PPRC1: variants seen among roughly 807,000 people sequenced by gnomAD.
The protein encoded by PPRC1 is PPARG related coactivator 1.
Under a neutral mutation model 132.5 loss-of-function variants are expected in PPRC1, and 23 were observed. The observed-to-expected ratio is 0.17, with a 90% CI of 0.12 to 0.25. The LOEUF (loss-of-function observed/expected upper bound fraction) is 0.25. PPRC1 is among the 10% of genes least tolerant of loss of function. The pLI is 1.00. For synonymous variants in PPRC1, 872 were observed against 833.5 expected (o/e 1.05, Z -0.80); for missense variants, 2,006 against 2,089.1 (o/e 0.96, Z 0.78).
intron 1 of PPRC1, 137 bp from the exon 2 acceptor site, chr10:102,137,713 C>A: frequency 1.3e-6 from 1 of 775,816 alleles, no homozygotes; most frequent in Non-Finnish European, 2.0e-6. Flanking sequence ...TCTCTCTGCT[C>A]TGCTAGCCCA....
chr10:102,122,753 A>C, the PPRC1 span, among the ~76,000 whole-genome samples: 11 of 152,084 alleles, frequency 7.2e-5, no homozygotes, highest in East Asian at 1.9e-3. Flanking sequence ...TGTGAATCTG[A>C]GATTTCCCTC....
At chr10:102,144,508 T>G (rs556186789) in intron 7 of PPRC1, 15 of 595,766 alleles carry the variant, frequency 2.5e-5, no homozygotes, top group South Asian at 1.6e-4. Context: ...GCATGTTCAC[T>G]GCCCTCCAGC....
Position 102,146,789 on chromosome 10 carries a change from A to G in PPRC1, c.3797A>G (p.Glu1266Gly). The stretch of plus-strand genomic sequence containing the variant: ...GCCCAGGAGGGAACCCTGAAGCCTG[A>G]AGGAGTTACGGAGGCCAAACATCCA... Reference protein sequence around the residue: ...STAQEGTLKPEGVTEAKHPAA... With the variant: ...STAQEGTLKPGGVTEAKHPAA... Residue 1266 changes from glutamate to glycine, a missense_variant, in exon 9 of 14, where the codon GAA becomes GGA. Glu to Gly is a moderately conservative substitution (Grantham distance 98). This residue lies in a region of PPRC1 where 1,914 missense variants were observed against 1,917.2 expected (regional missense o/e 1.00). Coordinates refer to ENST00000278070, the MANE Select transcript of PPRC1 (RefSeq NM_015062.5). 6.2e-7 allele frequency: 1 copy of G among 1,614,066 alleles called. No homozygotes were observed. Among genetic ancestry groups the G allele is most frequent in the Non-Finnish European group, 8.5e-7 (1 of 1,180,018 alleles).
In PPRC1 at chr10:102,140,386, G is replaced by A. The variant is rs111282144; in HGVS notation, c.1878G>A (p.Pro626=). ...GCTCAGAACTGGTTGAGCCTCTCCC[G>A]GCTGAGCCAGTGCTGATCAACCCAG... ...STSSELVEPL[P]AEPVLINPVL... The change falls in exon 5 of 14, where the codon CCG becomes CCA. Residue 626 remains proline, a synonymous_variant. Coordinates refer to ENST00000278070, the MANE Select transcript of PPRC1 (RefSeq NM_015062.5). The A allele has an allele frequency of 5.1e-4, 824 of 1,614,090 alleles. 5 individuals are homozygous for A. The African/African-American group carries it at 7.2e-3, about 14-fold the overall frequency.
At chr10:102,132,980 G>T, upstream of PPRC1, 1 of 1,231,802 alleles carries the variant, frequency 8.1e-7, no homozygotes, top group Non-Finnish European at 1.0e-6. Context: ...GTCTTGCAGT[G>T]TCATTCGGGA....
chr10:102,122,462 CTTTTTTT>C, the PPRC1 span, among the ~76,000 whole-genome samples: 7 of 133,574 alleles, frequency 5.2e-5, no homozygotes, highest in African/African-American at 1.4e-4. Flanking sequence ...TCTTTCTGCC[CTTTTTTT>C]TTTTTTTTTT....
chr10:102,137,918 G>A lies in PPRC1; in HGVS notation c.222G>A (p.Arg74=), dbSNP rs765915577. 9.9e-6 allele frequency: 16 copies of A among 1,614,126 alleles called. No individual in the cohort carries two copies. The South Asian group carries it at 1.8e-4, about 18-fold the overall frequency. The part of the protein sequence containing the change: ...VSLSRLGPSL[R]DKDLEMEELM... ...TCTCTCGGCTGGGCCCATCTCTGAG[G>A]GACAAGGACCTGGAAATGGAGGAGC... is the stretch of plus-strand genomic sequence containing the variant. Residue 74 remains arginine, a synonymous_variant, in exon 2 of 14, where the codon AGG becomes AGA. Coordinates refer to ENST00000278070, the MANE Select transcript of PPRC1 (RefSeq NM_015062.5).
At chr10:102,142,149 G>A in intron 5 of PPRC1, 145 bp downstream of exon 5, 1 of 1,001,286 alleles carries the variant, frequency 1.0e-6, no homozygotes, top group Non-Finnish European at 1.4e-6. Flanking sequence ...GTCTTGCTCT[G>A]TCTCCAGGCT....
chr10:102,146,792 G>A lies in PPRC1; in HGVS notation c.3800G>A (p.Gly1267Glu), dbSNP rs773957893. The A allele has an allele frequency of 6.2e-6, 10 of 1,613,986 alleles. No homozygotes were observed. The Admixed American group carries it at 1.7e-4, about 27-fold the overall frequency. The change falls in exon 9 of 14, where the codon GGA becomes GAA. Residue 1267 changes from glycine to glutamate, a missense_variant. This residue lies in a region of PPRC1 where 1,914 missense variants were observed against 1,917.2 expected (regional missense o/e 1.00). Coordinates refer to ENST00000278070, the MANE Select transcript of PPRC1 (RefSeq NM_015062.5). ...CAGGAGGGAACCCTGAAGCCTGAAG[G>A]AGTTACGGAGGCCAAACATCCAGCT... ...TAQEGTLKPE[G>E]VTEAKHPAAV...
In PPRC1 at chr10:102,139,352, G is replaced by C; in HGVS notation, c.844G>C (p.Glu282Gln). ...PDFPMHLACP[E>Q]EEDKATAAEM... is the part of the protein sequence containing the mutation. ...CTTCCCCATGCATTTGGCCTGCCCT[G>C]AGGAGGAAGATAAAGCAACAGCAGC... The change falls in exon 5 of 14, where the codon GAG (glutamate) becomes CAG (glutamine). Residue 282 changes from glutamate to glutamine, a missense_variant. By Grantham distance (29) the Glu-to-Gln change is conservative. Transcript: ENST00000278070. The C allele has an allele frequency of 1.9e-6, 3 of 1,614,246 alleles. No homozygotes were observed. Among genetic ancestry groups the C allele is most frequent in the Non-Finnish European group, 2.5e-6 (3 of 1,180,052 alleles).
chr10:102,141,952 C>G lies in PPRC1; in HGVS notation c.3444C>G (p.Thr1148=), dbSNP rs76353662. ...ARLRKLSFLP[T]PRTQGSEDVV... is the part of the protein sequence containing the mutation. ...TAAGGAAGCTGTCCTTCCTGCCTAC[C>G]CCACGTACTCAGGGTTCTGAAGATG... is the stretch of plus-strand genomic sequence containing the variant. The change falls in exon 5 of 14, where the codon ACC becomes ACG. Residue 1148 remains threonine (T), a synonymous_variant. Transcript: ENST00000278070. The G allele has an allele frequency of 5.0e-4, 803 of 1,613,962 alleles. 9 individuals are homozygous for G. In the East Asian group the frequency reaches 0.017, roughly 35 times the overall value.
In PPRC1 at chr10:102,139,463, A is replaced by G. The variant is rs748317241; in HGVS notation, c.955A>G (p.Asn319Asp). The part of the protein sequence containing the change: ...VRAMHPYCLP[N>D]LTHLASLEDE... Reference sequence around the variant, plus strand: ...GGCCATGCACCCATACTGCCTGCCCAACCTCACCCACCTGGCATCACTTGA... The same window carrying G: ...GGCCATGCACCCATACTGCCTGCCCGACCTCACCCACCTGGCATCACTTGA... Residue 319 changes from asparagine (N) to aspartate (D), a missense_variant, in exon 5 of 14, where the codon AAC becomes GAC. Coordinates refer to ENST00000278070, the MANE Select transcript of PPRC1 (RefSeq NM_015062.5). 3.1e-6 allele frequency: 5 copies of G among 1,614,020 alleles called. No individual in the cohort carries two copies. The highest frequency in any genetic ancestry group is 2.2e-5 in the East Asian group (1 of 44,886).
At chr10:102,136,885 G>GGCC (rs1051374043) in intron 1 of PPRC1, among the ~76,000 whole-genome samples, 30 of 152,270 alleles carry the variant, frequency 2.0e-4, no homozygotes, top group Admixed American at 3.9e-4. Flanking sequence ...TGACACGAGA[G>GGCC]GCCGTAAATG....
intron 9 of PPRC1, among the ~76,000 whole-genome samples, chr10:102,147,813 T>G (rs2069330223): frequency 6.6e-6 from 1 of 152,244 alleles, no homozygotes; most frequent in African/African-American, 2.4e-5. Context: ...TGGGTGTCAC[T>G]ATGGCCTCAT....
rs1015568019 is a variant in PPRC1, at chr10:102,148,136, A to G, written c.4401-236A>G. Among the ~76,000 whole-genome samples the G allele has an allele frequency of 3.9e-5, 6 of 152,176 alleles. No homozygotes were observed. The highest frequency in any genetic ancestry group is 7.4e-5 in the Non-Finnish European group (5 of 68,016). On this transcript the variant is annotated intron_variant, in intron 9 of 13. Transcript: ENST00000278070. The surrounding 1 kb of genome is among the most constrained non-coding windows in gnomAD (Gnocchi z 4.2). ...ATATTTTTCAATTTTTAAGTGCACA[A>G]TTGAAAATGTGATCTCTTCCAAAAC...
At chr10:102,133,880 G>C (rs1029053264) in intron 1 of PPRC1, among the ~76,000 whole-genome samples, 3 of 151,848 alleles carry the variant, frequency 2.0e-5, no homozygotes, top group Middle Eastern at 3.2e-3. Flanking sequence ...CAGAGCCTTG[G>C]AGGTTTTTTT....
chr10:102,140,551 T>G lies in PPRC1; in HGVS notation c.2043T>G (p.Val681=), dbSNP rs778888118. Reference sequence around the variant, plus strand: ...CTGTTCCTAATGACCTGACTCCAGTTGACCCAGTGCTAGTTAAGTCCAGAC... The same window carrying G: ...CTGTTCCTAATGACCTGACTCCAGTGGACCCAGTGCTAGTTAAGTCCAGAC... ...VDPVPNDLTP[V]DPVLVKSRPT... Residue 681 remains valine (V), a synonymous_variant, in exon 5 of 14, where the codon GTT becomes GTG. Transcript: ENST00000278070. 2 of 1,614,114 alleles carry G rather than the reference T, an allele frequency of 1.2e-6. No individual in the cohort carries two copies. The highest frequency in any genetic ancestry group is 1.7e-6 in the Non-Finnish European group (2 of 1,180,016).
chr10:102,141,507 C>T lies in PPRC1; in HGVS notation c.2999C>T (p.Pro1000Leu). 1.2e-6 allele frequency: 2 copies of T among 1,613,950 alleles called. No individual in the cohort carries two copies. Among genetic ancestry groups the T allele is most frequent in the Non-Finnish European group, 1.7e-6 (2 of 1,179,976 alleles). The stretch of plus-strand genomic sequence containing the variant: ...CCATTCTGGTCTACTGTTCCCCCAC[C>T]TCCTTTGCCTCCAGCCTCCATTGGG... The part of the protein sequence containing the change: ...HAPFWSTVPP[P>L]PLPPASIGRA... Residue 1000 changes from proline (P) to leucine (L), a missense_variant, in exon 5 of 14, where the codon CCT (proline) becomes CTT (leucine). Physicochemically the swap from Pro to Leu is moderately conservative, Grantham distance 98 (BLOSUM62 -3). Transcript: ENST00000278070.
upstream of PPRC1, among the ~76,000 whole-genome samples, chr10:102,129,825 G>A (rs1301791765): frequency 5.3e-5 from 8 of 152,056 alleles, no homozygotes; most frequent in Non-Finnish European, 7.4e-5. Context: ...GGCTGGTCTT[G>A]AATTCCTGAC....
Sources: allele counts gnomAD v4.1 joint callset (sites outside exome capture counted in the v4.1 genomes callset), GRCh38; gene constraint gnomAD v4.1.1; regional missense constraint gnomAD v4.1.1; non-coding constraint Gnocchi (gnomAD v3.1); transcripts MANE v1.5; gene names NCBI Gene and HGNC (gene_info 2026-07-23, HGNC 2026-07-21).